Variants in FNIP2 observed in about 807,000 individuals in gnomAD.
FNIP2 encodes folliculin interacting protein 2, also known as folliculin-interacting protein 2.
In FNIP2, 32 loss-of-function variants were observed where a neutral mutation model predicts 108.7. The observed-to-expected ratio is 0.29, with a 90% CI of 0.22 to 0.40. FNIP2 has a LOEUF of 0.40. FNIP2 is among the 10% of genes least tolerant of loss of function. The pLI, the probability that FNIP2 is intolerant of heterozygous loss-of-function variation, is 1.00. For synonymous variants in FNIP2, 480 were observed against 496.7 expected, an observed-to-expected ratio of 0.97 and a Z score of 0.45; for missense variants, 1,202 against 1,381.6, an observed-to-expected ratio of 0.87 and a Z score of 2.06.
At chr4:158,900,547 T>C (rs1729125708) in intron 16 of FNIP2, among the ~76,000 whole-genome samples, 1 of 152,190 alleles carries the variant, frequency 6.6e-6, no homozygotes, top group South Asian at 2.1e-4. Flanking sequence ...AGATTTAGGA[T>C]AGTTAGCTCT....
intron 9 of FNIP2, 41 bp downstream of exon 9, chr4:158,859,299 G>T: frequency 6.5e-7 from 1 of 1,546,420 alleles, no homozygotes. Context: ...AGAAGTGATT[G>T]TGGGGCTTTG....
intron 1 of FNIP2, among the ~76,000 whole-genome samples, chr4:158,784,664 C>T (rs959162714): frequency 2.0e-5 from 3 of 152,136 alleles, no homozygotes; most frequent in African/African-American, 4.8e-5. Context: ...AGCTCCCTCG[C>T]GTGCGCAGTT....
intron 7 of FNIP2, among the ~76,000 whole-genome samples, chr4:158,851,062 G>T (rs1779671675): frequency 6.6e-6 from 1 of 152,114 alleles, no homozygotes; most frequent in Admixed American, 6.5e-5. Flanking sequence ...ACTTGGCATA[G>T]ATATTTTTTT....
At chr4:158,863,061 G>C (rs1780384874) in intron 12 of FNIP2, among the ~76,000 whole-genome samples, 1 of 152,194 alleles carries the variant, frequency 6.6e-6, no homozygotes, top group Non-Finnish European at 1.5e-5. Context: ...TTTCAGGGGA[G>C]ATCATGTATT....
In FNIP2 at chr4:158,891,577, C is replaced by T. The variant is rs371584710; in HGVS notation, c.3081C>T (p.Val1027=). 230 of 1,612,578 alleles carry T rather than the reference C, an allele frequency of 1.4e-4. No homozygotes were observed. The highest frequency in any genetic ancestry group is 1.9e-4 in the Non-Finnish European group (227 of 1,179,366). The change falls in exon 15 of 17, where the codon GTC becomes GTT. Residue 1027 remains valine, a synonymous_variant. Transcript: ENST00000264433. ...DNMKLGQDVL[V]SSQVSSLLQS... The stretch of plus-strand genomic sequence containing the variant: ...TGAAACTAGGCCAGGATGTCCTGGT[C>T]TCTAGTCAGGTGTCCAGTTTGCTTC...
chr4:158,861,888 G>T (rs922339039), intron 12 of FNIP2, 112 bp downstream of exon 12: 13 of 1,252,902 alleles, frequency 1.0e-5, no homozygotes, highest in Non-Finnish European at 1.3e-5. Context: ...GGTTGTCTTT[G>T]GGCAGATGAG....
chr4:158,835,082 C>A, intron 6 of FNIP2: 1 of 161,016 alleles, frequency 6.2e-6, no homozygotes, highest in South Asian at 1.7e-4. Context: ...AAAAAATTAC[C>A]TGAGAATGTT....
intron 2 of FNIP2, among the ~76,000 whole-genome samples, chr4:158,827,094 G>T (rs1299019342): frequency 6.6e-6 from 1 of 152,182 alleles, no homozygotes; most frequent in African/African-American, 2.4e-5. Flanking sequence ...CTGCCAGGTG[G>T]CTAATCATTA....
intron 14 of FNIP2, among the ~76,000 whole-genome samples, chr4:158,885,682 T>C (rs1781990642): frequency 6.6e-6 from 1 of 152,198 alleles, no homozygotes; most frequent in African/African-American, 2.4e-5. Context: ...AGAAAACTTG[T>C]GCTTTAAATG....
chr4:158,788,762 T>C (rs1776305868), intron 1 of FNIP2, among the ~76,000 whole-genome samples: 1 of 152,226 alleles, frequency 6.6e-6, no homozygotes, highest in Admixed American at 6.5e-5. Flanking sequence ...CTGGATTTAA[T>C]CTAATAACTG....
intron 14 of FNIP2, among the ~76,000 whole-genome samples, chr4:158,882,569 G>A (rs187645128): frequency 2.4e-4 from 37 of 152,378 alleles, no homozygotes; most frequent in South Asian, 4.1e-4. Context: ...GGGGAAATGC[G>A]GAGAAAAGAT....
At chr4:158,813,183 G>A (rs1463085266) in intron 1 of FNIP2, among the ~76,000 whole-genome samples, 1 of 152,148 alleles carries the variant, frequency 6.6e-6, no homozygotes, top group Non-Finnish European at 1.5e-5. Flanking sequence ...ATACACAGCT[G>A]CAGGCTTTTC....
intron 2 of FNIP2, among the ~76,000 whole-genome samples, chr4:158,826,584 T>A (rs1778169794): frequency 6.6e-6 from 1 of 152,202 alleles, no homozygotes; most frequent in Non-Finnish European, 1.5e-5. Flanking sequence ...CTTTTATTTA[T>A]TTCCCATTTT....
chr4:158,803,869 A>G (rs1047403892), intron 1 of FNIP2, among the ~76,000 whole-genome samples: 2 of 152,220 alleles, frequency 1.3e-5, no homozygotes, highest in African/African-American at 4.8e-5. Context: ...CCTCCTGATC[A>G]GACTGTATGC....
In FNIP2 at chr4:158,907,255, GTATTT is replaced by G. The variant is rs1045207927; in HGVS notation, c.*2718_*2722del. 1 of 152,142 alleles carries G rather than the reference GTATTT, an allele frequency of 6.6e-6. No individual in the cohort carries two copies. Among genetic ancestry groups the G allele is most frequent in the African/African-American group, 2.4e-5 (1 of 41,434 alleles). The allele number at this position is 152,142 out of a possible 1,614,324, so 9.4% of individuals were successfully genotyped here. On this transcript the variant is annotated 3_prime_UTR_variant, in exon 17 of 17. Coordinates refer to ENST00000264433, the MANE Select transcript of FNIP2 (RefSeq NM_020840.3). The stretch of plus-strand genomic sequence containing the variant: ...TTCCATACTTGTGCATAATTCCAAA[GTATTT>G]TATTTTTTATCAATCAGTGTTAAAT...
In FNIP2 at chr4:158,905,799, CTT is replaced by C. The variant is rs1442998971; in HGVS notation, c.*1258_*1259del. 1.7e-4 allele frequency: 26 copies of C among 151,508 alleles called. No homozygotes were observed. Among genetic ancestry groups the C allele is most frequent in the African/African-American group, 5.6e-4 (23 of 41,200 alleles). 9.4% of individuals were successfully genotyped at this position (151,508 alleles called of 1,614,324 possible). A position where few individuals can be genotyped will look rare whatever the true frequency, so the allele number is the denominator to read the frequency against. ...CTGACATCCAGGGTAAAGTAAAAGA[CTT>C]TTAAATATTGGTCATTAAAGGACAG... On this transcript the variant is annotated 3_prime_UTR_variant, in exon 17 of 17. Coordinates refer to ENST00000264433, the MANE Select transcript of FNIP2 (RefSeq NM_020840.3).
intron 1 of FNIP2, among the ~76,000 whole-genome samples, chr4:158,821,974 C>T (rs1777906325): frequency 6.6e-6 from 1 of 152,016 alleles, no homozygotes; most frequent in African/African-American, 2.4e-5. Flanking sequence ...CCTGTAGTCC[C>T]AGCTACTTGG....
intron 1 of FNIP2, among the ~76,000 whole-genome samples, chr4:158,788,763 C>G (rs578130289): frequency 6.6e-6 from 1 of 152,200 alleles, no homozygotes; most frequent in Non-Finnish European, 1.5e-5. Context: ...TGGATTTAAT[C>G]TAATAACTGC....
At chr4:158,798,343 C>T (rs913878968) in intron 1 of FNIP2, among the ~76,000 whole-genome samples, 3 of 152,152 alleles carry the variant, frequency 2.0e-5, no homozygotes, top group Non-Finnish European at 4.4e-5. Flanking sequence ...GGATCACAGA[C>T]GTGAGCTACC....
Sources: gnomAD v4.1 joint callset for allele counts (sites outside exome capture counted in the v4.1 genomes callset) on GRCh38, gnomAD v4.1.1 for gene constraint, MANE v1.5 for transcripts, NCBI Gene and HGNC (gene_info 2026-07-23, HGNC 2026-07-21) for gene names.